The following C11orf97 variants were observed in gnomAD, a reference collection of about 807,000 sequenced individuals.
C11orf97 encodes uncharacterized protein C11orf97.
A neutral mutation model predicts 16.2 loss-of-function variants in C11orf97; 15 were observed. The observed-to-expected ratio is 0.93, with a 90% CI of 0.62 to 1.43. C11orf97 has a LOEUF of 1.43. Among genes scored for constraint, C11orf97 ranks in the 40% most tolerant of loss-of-function variants. The pLI is 0.00. For synonymous variants in C11orf97, 61 were observed against 65.7 expected, an observed-to-expected ratio of 0.93 and a Z score of 0.34; for missense variants, 171 against 161.2, an observed-to-expected ratio of 1.06 and a Z score of -0.33.
At chr11:94,523,985 T>G (rs1947679554) in intron 2 of C11orf97, among the ~76,000 whole-genome samples, 1 of 152,174 alleles carries the variant, frequency 6.6e-6, no homozygotes, top group Non-Finnish European at 1.5e-5. Context: ...TCTGTGGACT[T>G]TTGATTCCTT....
rs1947687658 is a variant in C11orf97 at position 94,524,884 on chromosome 11, C to A, written c.251-3200C>A. On this transcript the variant is annotated intron_variant, in intron 2 of 3. Transcript: ENST00000542198. Reference sequence around the variant, plus strand: ...AACCAGCCCAGGCAACATGGTGAAACCTCGTCTCTATTAAAAATACAAAAA... The same window carrying A: ...AACCAGCCCAGGCAACATGGTGAAAACTCGTCTCTATTAAAAATACAAAAA... 2.0e-5 allele frequency among the ~76,000 whole-genome samples: 3 copies of A among 151,848 alleles called. No homozygotes were observed. In the South Asian group the frequency reaches 6.2e-4, roughly 32 times the overall value.
chr11:94,528,002 C>T, intron 2 of C11orf97, 82 bp from the exon 3 acceptor site: 1 of 1,318,418 alleles, frequency 7.6e-7, no homozygotes. Context: ...ATAAAAAAAT[C>T]ACCAATTAAA....
intron 2 of C11orf97, among the ~76,000 whole-genome samples, chr11:94,519,780 C>T (rs892775805): frequency 2.6e-5 from 4 of 152,174 alleles, no homozygotes; most frequent in South Asian, 2.1e-4. Flanking sequence ...TGGGAAATCC[C>T]GCTGTTTTTA....
intron 2 of C11orf97, among the ~76,000 whole-genome samples, chr11:94,524,317 G>A (rs1419864199): frequency 6.6e-6 from 1 of 152,146 alleles, no homozygotes; most frequent in Non-Finnish European, 1.5e-5. Context: ...AGAAGCTGAT[G>A]TTGTTGCTAT....
intron 1 of C11orf97, among the ~76,000 whole-genome samples, chr11:94,514,433 A>G (rs1452404292): frequency 6.6e-6 from 1 of 152,106 alleles, no homozygotes; most frequent in African/African-American, 2.4e-5. Flanking sequence ...TACTCAGTCA[A>G]TTTTTCAAAT....
intron 2 of C11orf97, among the ~76,000 whole-genome samples, chr11:94,523,723 C>A (rs1947677558): frequency 6.6e-6 from 1 of 152,120 alleles, no homozygotes; most frequent in Non-Finnish European, 1.5e-5. Context: ...CATTATATTT[C>A]TTTTGGGATA....
At chr11:94,528,298 C>A in intron 3 of C11orf97, 89 bp downstream of exon 3, 2 of 1,202,196 alleles carry the variant, frequency 1.7e-6, no homozygotes, top group Non-Finnish European at 2.2e-6. Flanking sequence ...GTTTAAAGAT[C>A]TCAATCAAAA....
chr11:94,531,462 C>T lies in C11orf97; in HGVS notation c.377-434C>T, dbSNP rs148774362. ...TCAAACAAACAAACAAACAAACAAA[C>T]GGTAATGGTTGATGACAAAAAACCT... is the stretch of plus-strand genomic sequence containing the variant. On this transcript the variant is annotated intron_variant, in intron 3 of 3. Transcript: ENST00000542198. 6.9e-5 allele frequency among the ~76,000 whole-genome samples: 9 copies of T among 131,172 alleles called. No homozygotes were observed. In the East Asian group the frequency reaches 8.8e-4, roughly 13 times the overall value. The allele number at this position is 131,172 out of a possible 152,430, so 86.1% of individuals were successfully genotyped here.
intron 1 of C11orf97, among the ~76,000 whole-genome samples, chr11:94,513,088 G>A (rs565501656): frequency 7.9e-5 from 12 of 152,264 alleles, no homozygotes; most frequent in African/African-American, 2.9e-4. Flanking sequence ...TTACAGATGA[G>A]GAAATTGAGA....
In C11orf97 at chr11:94,531,992, G is replaced by A; in HGVS notation, c.*92G>A. ...TCAAGCTTGTTTCAGGATTTAAGAT[G>A]TGTGCAAAAAAATGATAGCCTGTAA... On this transcript the variant is annotated 3_prime_UTR_variant, in exon 4 of 4. Transcript: ENST00000542198. 9.3e-7 allele frequency: 1 copy of A among 1,079,282 alleles called. No individual in the cohort carries two copies. The highest frequency in any genetic ancestry group is 1.3e-6 in the Non-Finnish European group (1 of 795,000). The allele number at this position is 1,079,282 out of a possible 1,614,324, so 66.9% of individuals were successfully genotyped here. A position where few individuals can be genotyped will look rare whatever the true frequency, so the allele number is the denominator to read the frequency against.
chr11:94,512,519 C>A lies in C11orf97; in HGVS notation c.-10C>A. 2 of 1,299,226 alleles carry A rather than the reference C, an allele frequency of 1.5e-6. No homozygotes were observed. Among genetic ancestry groups the A allele is most frequent in the Non-Finnish European group, 2.0e-6 (2 of 1,023,584 alleles). The allele number at this position is 1,299,226 out of a possible 1,614,324, so 80.5% of individuals were successfully genotyped here. Reference sequence around the variant, plus strand: ...AACCGTGCCCAGGGCTCTCGGAAGACCGCTGCGGCATGACAGGCGAGGAGG... The same window carrying A: ...AACCGTGCCCAGGGCTCTCGGAAGAACGCTGCGGCATGACAGGCGAGGAGG... On this transcript the variant is annotated 5_prime_UTR_variant, in exon 1 of 4. Transcript: ENST00000542198.
intron 2 of C11orf97, among the ~76,000 whole-genome samples, chr11:94,523,305 T>C (rs1947674256): frequency 6.6e-6 from 1 of 152,220 alleles, no homozygotes; most frequent in African/African-American, 2.4e-5. Context: ...CCCCAACATA[T>C]ATGCATGGAT....
intron 1 of C11orf97, 137 bp from the exon 2 acceptor site, chr11:94,517,446 G>A: frequency 2.2e-6 from 1 of 461,966 alleles, no homozygotes; most frequent in Non-Finnish European, 3.7e-6. Flanking sequence ...CCAAGATAGA[G>A]CCTTCAGGGC....
chr11:94,525,353 G>A (rs1320838957), intron 2 of C11orf97, among the ~76,000 whole-genome samples: 1 of 152,118 alleles, frequency 6.6e-6, no homozygotes, highest in African/African-American at 2.4e-5. Flanking sequence ...AAGAATTTCA[G>A]AAATGTATTG....
At chr11:94,526,866 A>C (rs149270068) in intron 2 of C11orf97, among the ~76,000 whole-genome samples, 224 of 152,302 alleles carry the variant, frequency 1.5e-3, no homozygotes, top group Non-Finnish European at 2.5e-3. Context: ...CAGCTACTCC[A>C]CTCAGGAGTG....
chr11:94,519,799 A>T (rs980586040), intron 2 of C11orf97, among the ~76,000 whole-genome samples: 2 of 152,254 alleles, frequency 1.3e-5, no homozygotes, highest in African/African-American at 4.8e-5. Flanking sequence ...TAAAATATAT[A>T]TCATGGCTAG....
chr11:94,531,392 T>C (rs1013466889), intron 3 of C11orf97, among the ~76,000 whole-genome samples: 4 of 151,936 alleles, frequency 2.6e-5, no homozygotes, highest in Non-Finnish European at 4.4e-5. Context: ...CGACCCAAGA[T>C]TGGGCCACTT....
chr11:94,529,898 G>A (rs1055065986), intron 3 of C11orf97, among the ~76,000 whole-genome samples: 2 of 152,106 alleles, frequency 1.3e-5, no homozygotes, highest in Non-Finnish European at 2.9e-5. Context: ...CTTGCCTATT[G>A]GAAGCTATTT....
At chr11:94,512,729 G>A (rs1947579607) in intron 1 of C11orf97, 56 bp downstream of exon 1, 6 of 1,233,420 alleles carry the variant, frequency 4.9e-6, no homozygotes, top group East Asian at 6.3e-5. Flanking sequence ...GAGAACGAGT[G>A]ACAGGGCAAT....
Sources: allele counts gnomAD v4.1 joint callset (sites outside exome capture counted in the v4.1 genomes callset), GRCh38; gene constraint gnomAD v4.1.1; transcripts MANE v1.5; gene names NCBI Gene and HGNC (gene_info 2026-07-23, HGNC 2026-07-21).